MAP4K5: variants seen among roughly 807,000 people sequenced by gnomAD.
The protein encoded by MAP4K5 is MAPK/ERK kinase kinase kinase 5.
A neutral mutation model predicts 135.6 loss-of-function variants in MAP4K5; 82 were observed. The observed-to-expected ratio is 0.60, with a 90% CI of 0.51 to 0.73. The LOEUF is 0.73. Among genes scored for constraint, MAP4K5 ranks in the 30% least tolerant of loss-of-function variants. The probability of loss-of-function intolerance (pLI) is 0.00; values close to 1 mark genes in which losing one functional copy is unlikely to be tolerated. For missense variants in MAP4K5, 907 were observed against 1,010.9 expected (o/e 0.90, Z 1.39); for synonymous variants, 347 against 335.0 (o/e 1.04, Z -0.39).
chr14:50,467,878 T>C (rs776334970), intron 10 of MAP4K5, among the ~76,000 whole-genome samples: 1 of 152,116 alleles, frequency 6.6e-6, no homozygotes, highest in African/African-American at 2.4e-5. Flanking sequence ...TTGCTTGTAG[T>C]CTTTGAATGA....
At chr14:50,516,020 CACTT>C (rs1335531422) in intron 2 of MAP4K5, among the ~76,000 whole-genome samples, 1 of 152,218 alleles carries the variant, frequency 6.6e-6, no homozygotes, top group Non-Finnish European at 1.5e-5. Context: ...CCACCACACT[CACTT>C]AAGCCCAAAA....
Position 50,440,063 on chromosome 14 carries a change from C to T in MAP4K5, c.1655G>A (p.Arg552Gln), listed in dbSNP as rs55997280. Residue 552 changes from arginine (R) to glutamine (Q), a missense_variant, in exon 23 of 33, where the codon CGG (arginine) becomes CAG (glutamine). Physicochemically the swap from Arg to Gln is conservative, Grantham distance 43 (BLOSUM62 1). This residue lies in a region of MAP4K5 where 690 missense variants were observed against 777.4 expected (regional missense o/e 0.89). Coordinates refer to ENST00000682126, the MANE Select transcript of MAP4K5 (RefSeq NM_006575.6). ...HEATMEQLFP[R>Q]KCTWLYVINN... ...GATAACATACAGCCAAGTACACTTC[C>T]GTGGAAATAACTAAGAAAAAGAAGA... 2.5e-4 allele frequency: 382 copies of T among 1,511,570 alleles called. No individual in the cohort carries two copies. The highest frequency in any genetic ancestry group is 3.4e-4 in the Middle Eastern group (2 of 5,870). The allele number at this position is 1,511,570 out of a possible 1,614,324, so 93.6% of individuals were successfully genotyped here.
At chr14:50,559,108 T>C (rs2038800868) in intron 1 of MAP4K5, 1 of 152,248 alleles carries the variant, frequency 6.6e-6, no homozygotes, top group Admixed American at 6.5e-5. Flanking sequence ...AGTATAGATT[T>C]GGGAATCATC....
chr14:50,534,239 C>T (rs1193251069), upstream of MAP4K5, among the ~76,000 whole-genome samples: 2 of 152,142 alleles, frequency 1.3e-5, no homozygotes, highest in Non-Finnish European at 2.9e-5. Flanking sequence ...ACAGAAAACA[C>T]TTACTATAAA....
At chr14:50,493,476 C>T (rs1426030151) in intron 3 of MAP4K5, among the ~76,000 whole-genome samples, 5 of 152,020 alleles carry the variant, frequency 3.3e-5, no homozygotes, top group Non-Finnish European at 5.9e-5. Context: ...TTAAAAATCA[C>T]ATAAAAGTTA....
At chr14:50,444,209 T>C (rs1389076699) in intron 18 of MAP4K5, among the ~76,000 whole-genome samples, 173 bp from the exon 19 acceptor site, 3 of 152,160 alleles carry the variant, frequency 2.0e-5, no homozygotes, top group African/African-American at 7.2e-5. Flanking sequence ...TCTATAGAGG[T>C]AGCATTGCAT....
At chr14:50,476,419 G>T in intron 6 of MAP4K5, 113 bp from the exon 7 acceptor site, 1 of 517,058 alleles carries the variant, frequency 1.9e-6, no homozygotes, top group Non-Finnish European at 3.3e-6. Flanking sequence ...TCTTTTTTGG[G>T]GAGAAAAAAA....
At chr14:50,447,518 G>C in intron 15 of MAP4K5, 37 bp from the exon 16 acceptor site, 1 of 1,188,316 alleles carries the variant, frequency 8.4e-7, no homozygotes, top group Middle Eastern at 2.0e-4. Flanking sequence ...ATGTTACTTT[G>C]TAACAGGTAT....
chr14:50,441,743 TACACACAC>T (rs57651486), intron 21 of MAP4K5, among the ~76,000 whole-genome samples: 7,894 of 141,508 alleles, frequency 0.056, 259 homozygotes, highest in East Asian at 0.097. Flanking sequence ...AATTATTTTA[TACACACAC>T]ACACACACAC....
chr14:50,426,462 T>C (rs2035849233), intron 30 of MAP4K5, among the ~76,000 whole-genome samples: 1 of 152,174 alleles, frequency 6.6e-6, no homozygotes, highest in Non-Finnish European at 1.5e-5. Context: ...CAGTGGCTCA[T>C]CCCTGTAACC....
intron 2 of MAP4K5, among the ~76,000 whole-genome samples, chr14:50,525,628 G>A (rs1163574092): frequency 1.3e-5 from 2 of 152,064 alleles, no homozygotes; most frequent in African/African-American, 4.8e-5. Flanking sequence ...TTGAGCCTCC[G>A]AGTTCAAGAC....
At chr14:50,484,915 G>A (rs2037331239) in intron 5 of MAP4K5, among the ~76,000 whole-genome samples, 2 of 152,074 alleles carry the variant, frequency 1.3e-5, no homozygotes, top group South Asian at 2.1e-4. Flanking sequence ...AAAATAAGTA[G>A]CTGCAATGGG....
chr14:50,509,332 T>A (rs1415657591), intron 2 of MAP4K5, among the ~76,000 whole-genome samples: 1 of 152,228 alleles, frequency 6.6e-6, no homozygotes, highest in East Asian at 1.9e-4. Context: ...GAATTCTCTT[T>A]TTCTTTTTTA....
intron 1 of MAP4K5, chr14:50,559,208 A>G (rs1216575569): frequency 1.3e-5 from 2 of 152,252 alleles, no homozygotes; most frequent in Non-Finnish European, 1.5e-5. Context: ...ATTAGCAGAG[A>G]TCATGGATCT....
chr14:50,499,227 G>A (rs1406027287), intron 3 of MAP4K5, among the ~76,000 whole-genome samples: 1 of 151,974 alleles, frequency 6.6e-6, no homozygotes, highest in Non-Finnish European at 1.5e-5. Context: ...GGATATGAAA[G>A]GGGGAAAAAA....
chr14:50,510,652 T>C (rs2037912278), intron 2 of MAP4K5, among the ~76,000 whole-genome samples: 2 of 152,352 alleles, frequency 1.3e-5, no homozygotes, highest in East Asian at 1.9e-4. Flanking sequence ...TTGAGTCATA[T>C]TATGATGAAT....
At chr14:50,516,378 A>G (rs954048068) in intron 2 of MAP4K5, among the ~76,000 whole-genome samples, 1 of 152,152 alleles carries the variant, frequency 6.6e-6, no homozygotes, top group African/African-American at 2.4e-5. Flanking sequence ...GCTATGGAAA[A>G]CCAATCTAGT....
At chr14:50,486,340 T>C (rs956696488) in intron 3 of MAP4K5, 146 bp from the exon 4 acceptor site, 3 of 475,254 alleles carry the variant, frequency 6.3e-6, no homozygotes, top group East Asian at 3.9e-5. Context: ...AGAATCTTTC[T>C]ATAAAGTCAG....
intron 2 of MAP4K5, among the ~76,000 whole-genome samples, chr14:50,509,987 T>C (rs1014442022): frequency 6.6e-6 from 1 of 152,166 alleles, no homozygotes; most frequent in Non-Finnish European, 1.5e-5. Flanking sequence ...AAATTCAAGA[T>C]TATACATTTC....
Sources: allele counts gnomAD v4.1 joint callset (sites outside exome capture counted in the v4.1 genomes callset), GRCh38; gene constraint gnomAD v4.1.1; regional missense constraint gnomAD v4.1.1; transcripts MANE v1.5; gene names NCBI Gene and HGNC (gene_info 2026-07-23, HGNC 2026-07-21).